ZNF560: variants seen among roughly 807,000 people sequenced by gnomAD.
The protein encoded by ZNF560 is zinc finger protein 560.
Under a neutral mutation model 81.8 loss-of-function variants are expected in ZNF560, and 54 were observed. The observed-to-expected ratio is 0.66, with a 90% confidence interval of 0.53 to 0.83. ZNF560 has a LOEUF of 0.83. Ranked by LOEUF, ZNF560 falls within the 40% of genes least tolerant of loss-of-function variation. The probability of loss-of-function intolerance (pLI) is 0.00; values close to 1 mark genes in which losing one functional copy is unlikely to be tolerated. For missense variants in ZNF560, 940 were observed against 932.4 expected, an observed-to-expected ratio of 1.01 and a Z score of -0.11; for synonymous variants, 321 against 317.9, an observed-to-expected ratio of 1.01 and a Z score of -0.10.
chr19:9,454,349 A>G, the ZNF560 span, among the ~76,000 whole-genome samples: 3 of 152,288 alleles, frequency 2.0e-5, no homozygotes, highest in East Asian at 3.9e-4. Context: ...TTATTCCTCT[A>G]GCACCGCTGG....
chr19:9,504,714 A>G, the ZNF560 span, among the ~76,000 whole-genome samples: 1 of 152,184 alleles, frequency 6.6e-6, no homozygotes, highest in African/African-American at 2.4e-5. Context: ...GTTTTGTCAT[A>G]TAACTTTGGG....
the ZNF560 span, among the ~76,000 whole-genome samples, chr19:9,505,985 T>A: frequency 5.9e-5 from 9 of 151,506 alleles, no homozygotes; most frequent in African/African-American, 2.2e-4. Context: ...TTACTTTCTT[T>A]CTTTCTTTCT....
intron 8 of ZNF560, 38 bp downstream of exon 8, chr19:9,469,592 C>G (rs574831726): frequency 1.3e-6 from 2 of 1,591,352 alleles, no homozygotes; most frequent in East Asian, 2.2e-5. Context: ...GTACTGAGAA[C>G]TTCTCATGGA....
intron 2 of ZNF560, among the ~76,000 whole-genome samples, chr19:9,481,869 TTCC>T (rs2073294812): frequency 6.6e-6 from 1 of 152,216 alleles, no homozygotes; most frequent in Non-Finnish European, 1.5e-5. Flanking sequence ...AGTGTGGCAA[TTCC>T]TCAAGGATCT....
chr19:9,469,276 T>C lies in ZNF560; in HGVS notation c.530-89A>G, dbSNP rs142270439. 495 of 1,047,996 alleles carry C rather than the reference T, an allele frequency of 4.7e-4. 3 individuals are homozygous for C. In the African/African-American group the frequency reaches 7.4e-3, roughly 16 times the overall value. 64.9% of individuals were successfully genotyped at this position (1,047,996 alleles called of 1,614,324 possible). A position where few individuals can be genotyped will look rare whatever the true frequency, so the allele number is the denominator to read the frequency against. ...CAGATAGATTTGAACAATTTATATA[T>C]GTCTAAAATTTGGCAATCATATGGG... is the stretch of plus-strand genomic sequence containing the variant. On this transcript the variant is annotated intron_variant, in intron 8 of 9. Coordinates refer to ENST00000301480, the MANE Select transcript of ZNF560 (RefSeq NM_152476.3).
intron 2 of ZNF560, among the ~76,000 whole-genome samples, chr19:9,496,323 G>A (rs764960725): frequency 9.9e-5 from 15 of 151,640 alleles, no homozygotes; most frequent in Non-Finnish European, 1.5e-4. Flanking sequence ...TCCACCCTGG[G>A]CGACAAAATG....
At chr19:9,492,963 A>G (rs538519290) in intron 2 of ZNF560, among the ~76,000 whole-genome samples, 2 of 152,344 alleles carry the variant, frequency 1.3e-5, no homozygotes, top group Admixed American at 1.3e-4. Flanking sequence ...TCTGGCCCTT[A>G]TAAGTTTCAT....
intron 2 of ZNF560, among the ~76,000 whole-genome samples, chr19:9,480,722 C>T (rs28836544): frequency 0.15 from 22,864 of 151,542 alleles, 2,579 homozygotes; most frequent in African/African-American, 0.31. Flanking sequence ...AAAGGATCAA[C>T]TGAGCCCAGG....
chr19:9,492,598 T>A lies in ZNF560; in HGVS notation c.-57+5530A>T, dbSNP rs2073490094. Among the ~76,000 whole-genome samples the A allele has an allele frequency of 2.0e-5, 3 of 152,314 alleles. No individual in the cohort carries two copies. In the South Asian group the frequency reaches 6.2e-4, roughly 32 times the overall value. On this transcript the variant is annotated intron_variant, in intron 2 of 9. Transcript: ENST00000301480. The stretch of plus-strand genomic sequence containing the variant: ...ATGTCCCTCTCATCAGCTGGTCTCA[T>A]CACACACCCCATCACTCAGAAGCAG...
chr19:9,459,609 C>T, the ZNF560 span, among the ~76,000 whole-genome samples: 982 of 152,176 alleles, frequency 6.5e-3, 11 homozygotes, highest in South Asian at 0.044. Context: ...ATGGAGGCTG[C>T]GAAGTCCCTG....
chr19:9,504,370 G>T, the ZNF560 span, among the ~76,000 whole-genome samples: 5 of 152,130 alleles, frequency 3.3e-5, no homozygotes, highest in Non-Finnish European at 7.4e-5. Flanking sequence ...GGGAGATGGA[G>T]GTTGCAGTAA....
chr19:9,503,136 G>T (rs1389708122), upstream of ZNF560, among the ~76,000 whole-genome samples: 1 of 152,016 alleles, frequency 6.6e-6, no homozygotes, highest in Non-Finnish European at 1.5e-5. Flanking sequence ...TGAGAAGATT[G>T]CTTGAGCCCA....
At position 9,467,163 on chromosome 19, in the gene ZNF560, C is replaced by G. The variant is rs552345819; in HGVS notation, c.1784G>C (p.Ser595Thr). 1 of 1,613,526 alleles carries G rather than the reference C, an allele frequency of 6.2e-7. No individual in the cohort carries two copies. The highest frequency in any genetic ancestry group is 2.2e-5 in the East Asian group (1 of 44,790). ...SYLTKHLRRH[S>T]GEKPYECKKC... ...CTTACATTCATATGGCTTCTCTCCA[C>G]TGTGTCTTCGTAAATGTTTAGTAAG... The change falls in exon 10 of 10, where the codon AGT (serine) becomes ACT (threonine). Residue 595 changes from serine to threonine, a missense_variant. Ser to Thr is a moderately conservative substitution (Grantham distance 58). Transcript: ENST00000301480.
At chr19:9,484,446 T>G (rs1207549067) in intron 2 of ZNF560, among the ~76,000 whole-genome samples, 6 of 151,952 alleles carry the variant, frequency 3.9e-5, no homozygotes, top group Non-Finnish European at 8.8e-5. Flanking sequence ...CACACCAGAT[T>G]TTAAAGGCTT....
rs1028700384 is a variant in ZNF560, at chr19:9,498,606, A to T, written c.-213T>A. The T allele has an allele frequency of 6.6e-6, 1 of 152,278 alleles. No individual in the cohort carries two copies. The highest frequency in any genetic ancestry group is 1.5e-5 in the Non-Finnish European group (1 of 68,108). The allele number at this position is 152,278 out of a possible 1,614,324, so 9.4% of individuals were successfully genotyped here. A position where few individuals can be genotyped will look rare whatever the true frequency, so the allele number is the denominator to read the frequency against. On this transcript the variant is annotated 5_prime_UTR_variant, in exon 1 of 10. Transcript: ENST00000301480. ...TGAGGAAACAGGCGCCAGCGACCAA[A>T]AGAGAGAACTGGCGCGCCGCAACGT...
intron 2 of ZNF560, among the ~76,000 whole-genome samples, chr19:9,487,042 C>A (rs190347113): frequency 1.3e-4 from 20 of 149,752 alleles, no homozygotes; most frequent in Non-Finnish European, 5.9e-5. Context: ...TTGTCTTTAC[C>A]TATTTAGGAA....
chr19:9,471,436 AAGAGTTAAAAATTAT>A (rs1788517446), intron 5 of ZNF560, 58 bp from the exon 6 acceptor site: 1 of 1,262,304 alleles, frequency 7.9e-7, no homozygotes, highest in Non-Finnish European at 1.1e-6. Context: ...GGTAAAATGA[AAGAGTTAAAAATTAT>A]AGGCCTCATT....
chr19:9,489,676 G>A (rs898906177), intron 2 of ZNF560, among the ~76,000 whole-genome samples: 4 of 151,830 alleles, frequency 2.6e-5, no homozygotes, highest in Middle Eastern at 6.8e-3. Flanking sequence ...CGCAAGCTCC[G>A]CCTCCTAGGT....
chr19:9,452,298 T>G, the ZNF560 span, among the ~76,000 whole-genome samples: 1 of 152,180 alleles, frequency 6.6e-6, no homozygotes, highest in Non-Finnish European at 1.5e-5. Flanking sequence ...AGGGAACATT[T>G]GTATACACTG....
Sources: allele counts gnomAD v4.1 joint callset (sites outside exome capture counted in the v4.1 genomes callset), GRCh38; gene constraint gnomAD v4.1.1; transcripts MANE v1.5; gene names NCBI Gene and HGNC (gene_info 2026-07-23, HGNC 2026-07-21).